CNTN3: variants seen among roughly 807,000 people sequenced by gnomAD.
CNTN3 encodes the protein contactin 3, also known as contactin-3.
A neutral mutation model predicts 119.1 loss-of-function variants in CNTN3; 60 were observed. The ratio of observed to expected loss-of-function variants is 0.50; its 90% CI spans 0.41 to 0.62. CNTN3 has a LOEUF of 0.62. Among genes scored for constraint, CNTN3 ranks in the 20% least tolerant of loss-of-function variants. The pLI, the probability that CNTN3 is intolerant of heterozygous loss-of-function variation, is 0.00. For synonymous variants in CNTN3, 450 were observed against 438.7 expected (o/e 1.03, Z -0.32); for missense variants, 1,101 against 1,242.4 (o/e 0.89, Z 1.71).
intron 1 of CNTN3, among the ~76,000 whole-genome samples, chr3:74,586,144 G>A (rs1704588849): frequency 1.3e-5 from 2 of 152,236 alleles, no homozygotes; most frequent in Non-Finnish European, 2.9e-5. Flanking sequence ...GGACAAGACA[G>A]CAAACAAAGT....
intron 3 of CNTN3, among the ~76,000 whole-genome samples, chr3:74,492,128 GC>G (rs1559630513): frequency 6.6e-6 from 1 of 152,152 alleles, no homozygotes; most frequent in Non-Finnish European, 1.5e-5. Flanking sequence ...TTCAGTGTCA[GC>G]CTTCAGTGTT....
At chr3:74,501,982 A>G (rs1295137046) in intron 2 of CNTN3, among the ~76,000 whole-genome samples, 1 of 152,156 alleles carries the variant, frequency 6.6e-6, no homozygotes, top group Non-Finnish European at 1.5e-5. Context: ...CTATTAATTG[A>G]ATTTATTGTC....
intron 4 of CNTN3, among the ~76,000 whole-genome samples, chr3:74,446,683 G>GT (rs10669743): frequency 0.014 from 1,863 of 136,958 alleles, 49 homozygotes; most frequent in African/African-American, 0.044. Flanking sequence ...AATTTTACTT[G>GT]TTTTTTTTTT....
chr3:74,314,689 C>A (rs1481672347), intron 13 of CNTN3, among the ~76,000 whole-genome samples: 1 of 152,120 alleles, frequency 6.6e-6, no homozygotes, highest in Non-Finnish European at 1.5e-5. Context: ...CAGAGGAATC[C>A]AGTATCATAT....
intron 13 of CNTN3, 52 bp from the exon 14 acceptor site, chr3:74,302,859 A>G (rs1402515663): frequency 1.6e-6 from 2 of 1,213,036 alleles, no homozygotes; most frequent in Non-Finnish European, 1.2e-6. Flanking sequence ...AAAAACACAA[A>G]GAAGTTTGAA....
chr3:74,481,479 T>G (rs909246279), intron 4 of CNTN3, among the ~76,000 whole-genome samples: 1 of 151,802 alleles, frequency 6.6e-6, no homozygotes, highest in Non-Finnish European at 1.5e-5. Flanking sequence ...GTTTGGAAAT[T>G]TAAAATACAT....
At chr3:74,499,198 T>A (rs754214761) in intron 3 of CNTN3, among the ~76,000 whole-genome samples, 1 of 151,870 alleles carries the variant, frequency 6.6e-6, no homozygotes, top group Admixed American at 6.6e-5. Flanking sequence ...TCTTCAAAAA[T>A]CATTAAAATG....
At chr3:74,544,511 C>T (rs59741976) in intron 1 of CNTN3, among the ~76,000 whole-genome samples, 22,282 of 152,068 alleles carry the variant, frequency 0.15, 1,866 homozygotes, top group Non-Finnish European at 0.18. Flanking sequence ...CCCTCCTCCC[C>T]ACTTGGACTA....
intron 1 of CNTN3, among the ~76,000 whole-genome samples, chr3:74,527,678 A>G (rs939716824): frequency 5.3e-5 from 8 of 151,970 alleles, no homozygotes; most frequent in African/African-American, 1.9e-4. Context: ...CTTTTTAAGT[A>G]TACTTTACAA....
intron 13 of CNTN3, among the ~76,000 whole-genome samples, chr3:74,333,216 C>T (rs897855187): frequency 2.6e-5 from 4 of 152,282 alleles, no homozygotes; most frequent in South Asian, 2.1e-4. Context: ...GGTATCTAAA[C>T]GTCTCAATTT....
chr3:74,462,750 C>T (rs1444899354), intron 4 of CNTN3, among the ~76,000 whole-genome samples: 1 of 152,078 alleles, frequency 6.6e-6, no homozygotes, highest in Non-Finnish European at 1.5e-5. Context: ...GTTATTTCCC[C>T]TTCTAGTTTG....
chr3:74,353,586 C>T (rs1324337897), intron 11 of CNTN3, among the ~76,000 whole-genome samples: 1 of 152,206 alleles, frequency 6.6e-6, no homozygotes, highest in Non-Finnish European at 1.5e-5. Context: ...GAAACCCCGT[C>T]TCTACTAAAA....
At chr3:74,370,816 TA>T (rs1704316524) in intron 6 of CNTN3, among the ~76,000 whole-genome samples, 1 of 152,162 alleles carries the variant, frequency 6.6e-6, no homozygotes, top group African/African-American at 2.4e-5. Context: ...TCCAGAGCTT[TA>T]AAAACCTCAA....
chr3:74,302,697 T>C lies in CNTN3; in HGVS notation c.1779A>G (p.Ile593Met). 1 of 1,604,616 alleles carries C rather than the reference T, an allele frequency of 6.2e-7. No homozygotes were observed. The highest frequency in any genetic ancestry group is 8.5e-7 in the Non-Finnish European group (1 of 1,171,860). ...GGGGCATAAATGTTTTACCTCTTAC[T>C]ATGAGGTCAGCAGCAGATGAAACAC... ...VDSVSSAADL[I>M]VRGSPGPPEN... The change falls in exon 14 of 23, where the codon ATA becomes ATG. Residue 593 changes from isoleucine to methionine, a missense_variant. Ile to Met is a conservative substitution (Grantham distance 10, BLOSUM62 1). Transcript: ENST00000263665.
chr3:74,499,833 T>C (rs770557231), intron 2 of CNTN3, 48 bp from the exon 3 acceptor site: 3 of 1,533,690 alleles, frequency 2.0e-6, no homozygotes. Flanking sequence ...TAAAAGGCAT[T>C]GTAAAAAGTT....
At chr3:74,567,192 G>A (rs905870315) in intron 1 of CNTN3, among the ~76,000 whole-genome samples, 3 of 151,930 alleles carry the variant, frequency 2.0e-5, no homozygotes, top group South Asian at 2.1e-4. Context: ...GTCCAGGCTG[G>A]AGTACAGACA....
intron 3 of CNTN3, among the ~76,000 whole-genome samples, chr3:74,496,144 T>C (rs1008656268): frequency 2.6e-5 from 4 of 152,108 alleles, no homozygotes; most frequent in African/African-American, 7.2e-5. Flanking sequence ...GGCTACCATA[T>C]TGGACAGCAA....
chr3:74,592,460 G>T, intron 1 of CNTN3, among the ~76,000 whole-genome samples: 1 of 149,024 alleles, frequency 6.7e-6, no homozygotes, highest in Non-Finnish European at 1.5e-5. Context: ...TTGGCAAAAA[G>T]AAAAACAGAA....
intron 1 of CNTN3, among the ~76,000 whole-genome samples, chr3:74,590,719 T>C (rs186345807): frequency 3.9e-4 from 60 of 152,148 alleles, no homozygotes; most frequent in African/African-American, 1.4e-3. Flanking sequence ...CAAATAATTA[T>C]TTGCATTATC....
Sources: allele counts gnomAD v4.1 joint callset (sites outside exome capture counted in the v4.1 genomes callset), GRCh38; gene constraint gnomAD v4.1.1; transcripts MANE v1.5; gene names NCBI Gene and HGNC (gene_info 2026-07-23, HGNC 2026-07-21).